Variants in MESP1 observed in about 807,000 individuals in gnomAD.
The protein encoded by MESP1 is mesoderm posterior bHLH transcription factor 1, also known as mesoderm posterior protein 1.
In MESP1, 22 loss-of-function variants were observed where a neutral mutation model predicts 15.2. The ratio of observed to expected loss-of-function variants is 1.45; its 90% CI spans 1.04 to 2.07. The LOEUF is 2.07. MESP1 is among the 30% of genes most tolerant of loss of function. The probability of loss-of-function intolerance (pLI) is 0.00; values close to 1 mark genes in which losing one functional copy is unlikely to be tolerated. For missense variants in MESP1, 484 were observed against 411.9 expected (o/e 1.17, Z -1.51); for synonymous variants, 216 against 192.6 (o/e 1.12, Z -1.01).
chr15:89,733,818 G>C, the MESP1 span, among the ~76,000 whole-genome samples: 2 of 152,112 alleles, frequency 1.3e-5, no homozygotes, highest in Admixed American at 6.5e-5. Flanking sequence ...ACATTATCCA[G>C]TTTCAGGTAT....
downstream of MESP1, among the ~76,000 whole-genome samples, chr15:89,746,556 CACAT>C (rs1967961079): frequency 6.7e-6 from 1 of 148,596 alleles, no homozygotes; most frequent in African/African-American, 2.5e-5. Context: ...CCAACCTCCA[CACAT>C]ACACACAGCC....
chr15:89,746,883 C>T (rs1967973090), downstream of MESP1, among the ~76,000 whole-genome samples: 1 of 129,662 alleles, frequency 7.7e-6, no homozygotes, highest in Non-Finnish European at 1.6e-5. Context: ...ACACAGAGCC[C>T]TGCTGCCCCA....
downstream of MESP1, among the ~76,000 whole-genome samples, chr15:89,748,422 G>A (rs1422220714): frequency 1.3e-5 from 2 of 152,196 alleles, no homozygotes; most frequent in African/African-American, 2.4e-5. Context: ...TCAGGGACTC[G>A]ATCCCACTCT....
In MESP1 at chr15:89,750,703, G is replaced by GT. The variant is rs1402234123; in HGVS notation, c.528dup (p.Arg177ThrfsTer5). Reference sequence around the variant, plus strand: ...TGCCCCTGCCCCTCAGCCTGCGTCCGTGTCTGCATCTGCGCGGGGCAGTCG... The same window carrying GT: ...TGCCCCTGCCCCTCAGCCTGCGTCCGTTGTCTGCATCTGCGCGGGGCAGTCG... On this transcript the variant is annotated frameshift_variant, in exon 1 of 2. Coordinates refer to ENST00000300057, the MANE Select transcript of MESP1 (RefSeq NM_018670.4). LOFTEE classifies it high-confidence loss of function. 1 of 1,378,100 alleles carries GT rather than the reference G, an allele frequency of 7.3e-7. No individual in the cohort carries two copies. The highest frequency in any genetic ancestry group is 1.5e-5 in the African/African-American group (1 of 66,428). The allele number at this position is 1,378,100 out of a possible 1,614,324, so 85.4% of individuals were successfully genotyped here.
the MESP1 span, among the ~76,000 whole-genome samples, chr15:89,742,918 A>G: frequency 6.6e-6 from 1 of 152,230 alleles, no homozygotes; most frequent in Non-Finnish European, 1.5e-5. Context: ...TGACTGGCAT[A>G]TTTCAGTCAG....
At position 89,749,886 on chromosome 15, in the gene MESP1, C is replaced by G. The variant is rs1187236036; in HGVS notation, c.*258G>C. 4.0e-6 allele frequency: 2 copies of G among 498,992 alleles called. No homozygotes were observed. The highest frequency in any genetic ancestry group is 7.3e-6 in the Non-Finnish European group (2 of 273,364). The allele number at this position is 498,992 out of a possible 1,614,324, so 30.9% of individuals were successfully genotyped here. A position where few individuals can be genotyped will look rare whatever the true frequency, so the allele number is the denominator to read the frequency against. ...AAGAAATTGCCAACTGACACCAGTA[C>G]AGTTTATTCACAAATAAATAAATTC... On this transcript the variant is annotated 3_prime_UTR_variant, in exon 2 of 2. Transcript: ENST00000300057.
In MESP1 at chr15:89,751,110, T is replaced by C; in HGVS notation, c.122A>G (p.Asp41Gly). Residue 41 changes from aspartate (D) to glycine (G), a missense_variant, in exon 1 of 2, where the codon GAC becomes GGC. By Grantham distance (94) the Asp-to-Gly change is moderately conservative. Transcript: ENST00000300057. ...DCGRSLVSSP[D>G]SWGSTPADSP... ...GTCGGCTGGGGTGCTGCCCCATGAG[T>C]CTGGGGACGAGACGAGGGAGCGGCC... is the stretch of plus-strand genomic sequence containing the variant. 2 of 1,291,842 alleles carry C rather than the reference T, an allele frequency of 1.5e-6. No individual in the cohort carries two copies. The highest frequency in any genetic ancestry group is 1.5e-5 in the African/African-American group (1 of 65,512). The allele number at this position is 1,291,842 out of a possible 1,614,324, so 80.0% of individuals were successfully genotyped here.
At chr15:89,745,072 G>A (rs981883532), downstream of MESP1, among the ~76,000 whole-genome samples, 3 of 152,174 alleles carry the variant, frequency 2.0e-5, no homozygotes, top group African/African-American at 7.2e-5. The surrounding 1 kb of genome is among the most constrained non-coding windows in gnomAD (Gnocchi z 4.8). Flanking sequence ...GAAAGGAAAT[G>A]ACAGGGCCAT....
the MESP1 span, among the ~76,000 whole-genome samples, chr15:89,740,867 C>T: frequency 0.021 from 3,208 of 151,562 alleles, 121 homozygotes; most frequent in African/African-American, 0.074. Context: ...TGGCCGGGCG[C>T]GGTGGCTCAC....
the MESP1 span, among the ~76,000 whole-genome samples, chr15:89,736,403 C>A: frequency 6.6e-6 from 1 of 152,098 alleles, no homozygotes; most frequent in African/African-American, 2.4e-5. Flanking sequence ...ATGTAGATTC[C>A]ATGCTCACCA....
At chr15:89,739,750 T>C in the MESP1 span, among the ~76,000 whole-genome samples, 1 of 152,212 alleles carries the variant, frequency 6.6e-6, no homozygotes, top group Non-Finnish European at 1.5e-5. Flanking sequence ...GATGTTCCTA[T>C]GTATGTAACG....
chr15:89,748,080 G>C (rs1014038370), downstream of MESP1, among the ~76,000 whole-genome samples: 8 of 152,246 alleles, frequency 5.3e-5, no homozygotes, highest in African/African-American at 1.9e-4. Flanking sequence ...CTCAGAGGCG[G>C]AGGAGAAGCC....
chr15:89,739,998 C>T, the MESP1 span, among the ~76,000 whole-genome samples: 5 of 152,118 alleles, frequency 3.3e-5, no homozygotes, highest in Admixed American at 1.3e-4. Flanking sequence ...AGACCTTGGG[C>T]GAGTTACTCA....
chr15:89,735,277 AC>A, the MESP1 span, among the ~76,000 whole-genome samples: 1 of 152,192 alleles, frequency 6.6e-6, no homozygotes. Flanking sequence ...TATTTTCATT[AC>A]CATATTATAT....
chr15:89,750,841 G>A lies in MESP1; in HGVS notation c.391C>T (p.Arg131Cys), dbSNP rs1397426250. The A allele has an allele frequency of 3.9e-6, 6 of 1,532,616 alleles. No individual in the cohort carries two copies. The highest frequency in any genetic ancestry group is 2.7e-5 in the East Asian group (1 of 37,450). The allele number at this position is 1,532,616 out of a possible 1,614,324, so 94.9% of individuals were successfully genotyped here. Residue 131 changes from arginine (R) to cysteine (C), a missense_variant, in exon 1 of 2, where the codon CGC (arginine) becomes TGC (cysteine). Physicochemically the swap from Arg to Cys is radical, Grantham distance 180. Coordinates refer to ENST00000300057, the MANE Select transcript of MESP1 (RefSeq NM_018670.4). ...ACGGCCGACAGGTGGCCGATATAGCGGATAGCCAGGCGCAGCGTCTCGATC... is the reference window on the plus strand; with the variant it reads ...ACGGCCGACAGGTGGCCGATATAGCAGATAGCCAGGCGCAGCGTCTCGATC... ...TKIETLRLAI[R>C]YIGHLSAVLG... is the part of the protein sequence containing the mutation.
At chr15:89,737,035 C>T in the MESP1 span, among the ~76,000 whole-genome samples, 1 of 152,198 alleles carries the variant, frequency 6.6e-6, no homozygotes, top group African/African-American at 2.4e-5. Context: ...TCGTGATCCG[C>T]CCACCTTGGC....
the MESP1 span, among the ~76,000 whole-genome samples, chr15:89,739,170 G>A: frequency 2.6e-5 from 4 of 151,948 alleles, no homozygotes; most frequent in African/African-American, 4.8e-5. Context: ...TTAAGATGGG[G>A]TTGGCAAACT....
chr15:89,735,559 T>C, the MESP1 span: 1 of 1,613,430 alleles, frequency 6.2e-7, no homozygotes. Flanking sequence ...GCATGGTAGG[T>C]TCCCCATGCC....
chr15:89,747,879 G>A (rs1240404379), downstream of MESP1, among the ~76,000 whole-genome samples: 1 of 152,186 alleles, frequency 6.6e-6, no homozygotes, highest in Admixed American at 6.5e-5. Flanking sequence ...TACTGTTGTC[G>A]GCTCTGTGAA....
Sources: gnomAD v4.1 joint callset for allele counts (sites outside exome capture counted in the v4.1 genomes callset) on GRCh38, gnomAD v4.1.1 for gene constraint, Gnocchi (gnomAD v3.1) non-coding constraint, MANE v1.5 for transcripts, NCBI Gene and HGNC (gene_info 2026-07-23, HGNC 2026-07-21) for gene names.